Variants in HMCN2 observed in about 807,000 individuals in gnomAD.
HMCN2 encodes hemicentin-2.
In HMCN2, 325 loss-of-function variants were observed where a neutral mutation model predicts 377.5. That is an observed-to-expected ratio of 0.86 (90% confidence interval 0.79 to 0.94). The LOEUF (loss-of-function observed/expected upper bound fraction) is 0.94. HMCN2 is among the 40% of genes least tolerant of loss of function. The pLI is 0.00. For synonymous variants in HMCN2, 2,007 were observed against 2,046.8 expected, an observed-to-expected ratio of 0.98 and a Z score of 0.53; for missense variants, 4,543 against 4,725.3, an observed-to-expected ratio of 0.96 and a Z score of 1.13.
At chr9:130,432,275 C>A (rs1312790969) in intron 96 of HMCN2, among the ~76,000 whole-genome samples, 154 bp from the exon 97 acceptor site, 1 of 152,190 alleles carries the variant, frequency 6.6e-6, no homozygotes, top group Non-Finnish European at 1.5e-5. Flanking sequence ...GGGCCTCCAG[C>A]TGGGTGGTCA....
chr9:130,299,318 C>A (rs1554933431), intron 8 of HMCN2, 30 bp downstream of exon 8: 1 of 417,890 alleles, frequency 2.4e-6, no homozygotes, highest in Non-Finnish European at 5.0e-6. Context: ...GTCTCCCAGG[C>A]CCCTGGCTCA....
chr9:130,289,463 G>A (rs1835619084), intron 4 of HMCN2, among the ~76,000 whole-genome samples: 1 of 152,072 alleles, frequency 6.6e-6, no homozygotes. Context: ...TTAGGGTTTG[G>A]ACTCCGGGGC....
rs1449170211 is a variant in HMCN2 at position 130,391,326 on chromosome 9, G to A, written c.9790G>A (p.Gly3264Ser). The A allele has an allele frequency of 5.1e-6, 5 of 987,546 alleles. No individual in the cohort carries two copies. The highest frequency in any genetic ancestry group is 1.1e-4 in the East Asian group (1 of 8,828). 61.2% of individuals were successfully genotyped at this position (987,546 alleles called of 1,614,324 possible). A position where few individuals can be genotyped will look rare whatever the true frequency, so the allele number is the denominator to read the frequency against. Residue 3264 changes from glycine to serine, a missense_variant, in exon 64 of 98, where the codon GGC becomes AGC. Physicochemically the swap from Gly to Ser is moderately conservative, Grantham distance 56. This residue lies in a region of HMCN2 where 1,073 missense variants were observed against 1,319.5 expected (regional missense o/e 0.81). Coordinates refer to ENST00000683500, the MANE Select transcript of HMCN2 (RefSeq NM_001291815.2). ...PPPDVAWLKD[G>S]SPLGQDMGPH... The stretch of plus-strand genomic sequence containing the variant: ...GCCGGACGTGGCCTGGCTGAAGGAC[G>A]GCAGCCCGCTGGGCCAGGACATGGG...
Position 130,430,492 on chromosome 9 carries a change from CGG to C in HMCN2, c.14536_14537del (p.Gly4846TyrfsTer39), listed in dbSNP as rs1467329527. 91 of 1,550,472 alleles carry C rather than the reference CGG, an allele frequency of 5.9e-5. No individual in the cohort carries two copies. Among genetic ancestry groups the C allele is most frequent in the Non-Finnish European group, 7.4e-5 (85 of 1,146,978 alleles). On this transcript the variant is annotated frameshift_variant, in exon 95 of 98. Coordinates refer to ENST00000683500, the MANE Select transcript of HMCN2 (RefSeq NM_001291815.2). LOFTEE classifies it high-confidence loss of function. The stretch of plus-strand genomic sequence containing the variant: ...GGCTGCGGCCCTGGGCCTCGATCCC[CGG>C]TACCTCCTACCACGCCTGGGTCTCT... ...PWLRPWASIP[G>X]TSYHAWVSLR... is the part of the protein sequence containing the mutation.
Position 130,384,785 on chromosome 9 carries a change from G to C in HMCN2, c.9093G>C (p.Gln3031His), listed in dbSNP as rs960371615. The C allele has an allele frequency of 7.7e-7, 1 of 1,303,404 alleles. No individual in the cohort carries two copies. The highest frequency in any genetic ancestry group is 1.0e-6 in the Non-Finnish European group (1 of 988,834). The allele number at this position is 1,303,404 out of a possible 1,614,324, so 80.7% of individuals were successfully genotyped here. Reference protein sequence around the residue: ...NAAGRDQKLVQLSVLVPPAFR... With the variant: ...NAAGRDQKLVHLSVLVPPAFR... ...CCGGCCGAGACCAGAAGCTGGTGCA[G>C]CTCAGTGTTCTGGGTATGTCCATGT... Residue 3031 changes from glutamine to histidine, a missense_variant, in exon 59 of 98, where the codon CAG (glutamine) becomes CAC (histidine). Transcript: ENST00000683500.
rs1220923739 is a variant in HMCN2 at position 130,428,461 on chromosome 9, C to T, written c.14169C>T (p.Phe4723=). 6.5e-7 allele frequency: 1 copy of T among 1,543,746 alleles called. No homozygotes were observed. The highest frequency in any genetic ancestry group is 8.7e-7 in the Non-Finnish European group (1 of 1,146,924). The change falls in exon 93 of 98, where the codon TTC becomes TTT. Residue 4723 remains phenylalanine, a synonymous_variant. Coordinates refer to ENST00000683500, the MANE Select transcript of HMCN2 (RefSeq NM_001291815.2). This position sits in a 1 kb window ranked among gnomAD's most constrained non-coding sequence, Gnocchi z 5.0. ...YRCLPDCGPG[F]RVADGAGCED... is the part of the protein sequence containing the mutation. ...GCCTCCCCGACTGTGGGCCTGGCTT[C>T]CGGGTGGCTGATGGGGCCGGCTGTG...
chr9:130,316,229 G>A (rs1208787868), intron 15 of HMCN2, among the ~76,000 whole-genome samples: 1 of 152,180 alleles, frequency 6.6e-6, no homozygotes, highest in Non-Finnish European at 1.5e-5. Context: ...GCAGCGTCAG[G>A]GACTGTACCC....
rs1049927916 is a variant in HMCN2 at position 130,414,897 on chromosome 9, G to A, written c.12962-3875G>A. On this transcript the variant is annotated intron_variant, in intron 85 of 97. Transcript: ENST00000683500. This position sits in a 1 kb window ranked among gnomAD's most constrained non-coding sequence, Gnocchi z 4.4. Reference sequence around the variant, plus strand: ...CCCAAAGTGGTGGGATTACAGGCATGAACCACTGTGCCTGACCAAGACTGA... The same window carrying A: ...CCCAAAGTGGTGGGATTACAGGCATAAACCACTGTGCCTGACCAAGACTGA... 6.6e-6 allele frequency among the ~76,000 whole-genome samples: 1 copy of A among 152,242 alleles called. No homozygotes were observed. Among genetic ancestry groups the A allele is most frequent in the Admixed American group, 6.5e-5 (1 of 15,302 alleles).
At chr9:130,398,897 A>G (rs1842736811) in intron 75 of HMCN2, among the ~76,000 whole-genome samples, 190 bp downstream of exon 75, 1 of 152,144 alleles carries the variant, frequency 6.6e-6, no homozygotes, top group Non-Finnish European at 1.5e-5. Context: ...GGCACTGGGG[A>G]TATACAGCTA....
chr9:130,327,648 G>C (rs1367016000), intron 22 of HMCN2, among the ~76,000 whole-genome samples, 173 bp downstream of exon 22: 3 of 152,182 alleles, frequency 2.0e-5, no homozygotes, highest in Admixed American at 2.0e-4. Flanking sequence ...AGCCTGGAAG[G>C]GGCCTCTAGA....
At chr9:130,284,780 CCCT>C in intron 2 of HMCN2, 107 bp downstream of exon 2, 1 of 444,592 alleles carries the variant, frequency 2.2e-6, no homozygotes, top group South Asian at 1.6e-5. Flanking sequence ...CTCCACCTCT[CCCT>C]CCTCCTGGGT....
Position 130,286,174 on chromosome 9 carries a change from C to A in HMCN2, c.490-14C>A, listed in dbSNP as rs371480706. 2.1e-6 allele frequency: 1 copy of A among 470,428 alleles called. No homozygotes were observed. Among genetic ancestry groups the A allele is most frequent in the Admixed American group, 2.3e-5 (1 of 42,580 alleles). 29.1% of individuals were successfully genotyped at this position (470,428 alleles called of 1,614,324 possible). ...CCAGGGAAGTCGAGAGCAGGCTGCA[C>A]GTCCATCTTCCAGGTGGTCTTTGTG... On this transcript the variant is annotated splice_polypyrimidine_tract_variant and intron_variant, in intron 3 of 97. Coordinates refer to ENST00000683500, the MANE Select transcript of HMCN2 (RefSeq NM_001291815.2).
At chr9:130,346,748 G>A (rs1239240669) in intron 25 of HMCN2, among the ~76,000 whole-genome samples, 5 of 152,116 alleles carry the variant, frequency 3.3e-5, no homozygotes, top group African/African-American at 9.7e-5. Flanking sequence ...TGGGGGACAC[G>A]GAAAAGAGAC....
Position 130,362,664 on chromosome 9 carries a change from G to A in HMCN2, c.6109-203G>A, listed in dbSNP as rs1034247418. Among the ~76,000 whole-genome samples the A allele has an allele frequency of 2.6e-5, 4 of 152,252 alleles. No homozygotes were observed. In the East Asian group the frequency reaches 7.7e-4, roughly 29 times the overall value. ...GGGGCTCTAGAGGACTCTTCCTGAG[G>A]TCCAGTGTCATTGCCAGCTGGCAGA... On this transcript the variant is annotated intron_variant, in intron 39 of 97. Coordinates refer to ENST00000683500, the MANE Select transcript of HMCN2 (RefSeq NM_001291815.2).
chr9:130,335,136 A>G (rs1479944326), intron 22 of HMCN2, among the ~76,000 whole-genome samples: 2 of 152,136 alleles, frequency 1.3e-5, no homozygotes, highest in Non-Finnish European at 2.9e-5. Context: ...AGCACAGTTG[A>G]ACCTCGGATC....
At chr9:130,279,161 A>G (rs1834973178) in intron 1 of HMCN2, among the ~76,000 whole-genome samples, 1 of 151,874 alleles carries the variant, frequency 6.6e-6, no homozygotes, top group Admixed American at 6.6e-5. Context: ...GGCCTCCCAA[A>G]GTGCTGGGAT....
At chr9:130,325,456 ATACTC>A (rs1217189219) in intron 19 of HMCN2, 134 bp from the exon 20 acceptor site, 5 of 152,124 alleles carry the variant, frequency 3.3e-5, no homozygotes, top group African/African-American at 1.2e-4. Flanking sequence ...TTAAGGATGA[ATACTC>A]TTCTGTTGTG....
Position 130,418,901 on chromosome 9 carries a change from G to C in HMCN2, c.13091G>C (p.Arg4364Pro). Residue 4364 changes from arginine to proline, a missense_variant, in exon 86 of 98, where the codon CGG (arginine) becomes CCG (proline). Physicochemically the swap from Arg to Pro is moderately radical, Grantham distance 103 (BLOSUM62 -2). Coordinates refer to ENST00000683500, the MANE Select transcript of HMCN2 (RefSeq NM_001291815.2). ...TGGCTACAGGCGGGTCAACCCTTGCGGGCCAGCCGGCGGCTCCGGACCCTG... is the reference window on the plus strand; with the variant it reads ...TGGCTACAGGCGGGTCAACCCTTGCCGGCCAGCCGGCGGCTCCGGACCCTG... The part of the protein sequence containing the change: ...IEWLQAGQPL[R>P]ASRRLRTLPD... 4 of 1,549,570 alleles carry C rather than the reference G, an allele frequency of 2.6e-6. No individual in the cohort carries two copies. Among genetic ancestry groups the C allele is most frequent in the Non-Finnish European group, 3.5e-6 (4 of 1,146,348 alleles).
rs981052609 is a variant in HMCN2 at position 130,422,022 on chromosome 9, C to T, written c.13232-555C>T. The stretch of plus-strand genomic sequence containing the variant: ...GTGCCTGCATCATCCGTTTGATTAG[C>T]GCTAAAGAGCATCTGCTCACAGATG... On this transcript the variant is annotated intron_variant, in intron 86 of 97. Coordinates refer to ENST00000683500, the MANE Select transcript of HMCN2 (RefSeq NM_001291815.2). The surrounding 1 kb of genome is among the most constrained non-coding windows in gnomAD (Gnocchi z 4.2). Among the ~76,000 whole-genome samples the T allele has an allele frequency of 6.6e-6, 1 of 152,212 alleles. No individual in the cohort carries two copies. Among genetic ancestry groups the T allele is most frequent in the Non-Finnish European group, 1.5e-5 (1 of 68,034 alleles).
Sources: allele counts gnomAD v4.1 joint callset (sites outside exome capture counted in the v4.1 genomes callset), GRCh38; gene constraint gnomAD v4.1.1; regional missense constraint gnomAD v4.1.1; non-coding constraint Gnocchi (gnomAD v3.1); transcripts MANE v1.5; gene names NCBI Gene and HGNC (gene_info 2026-07-23, HGNC 2026-07-21).